The following CPVL variants were observed in gnomAD, a reference collection of about 807,000 sequenced individuals.
The protein encoded by CPVL is carboxypeptidase vitellogenic like.
A neutral mutation model predicts 63.7 loss-of-function variants in CPVL; 51 were observed. That is an observed-to-expected ratio of 0.80 (90% CI 0.64 to 1.01). The LOEUF (loss-of-function observed/expected upper bound fraction) is 1.01. Among genes scored for constraint, CPVL ranks in the 50% least tolerant of loss-of-function variants. The pLI is 0.00. For synonymous variants in CPVL, 195 were observed against 206.0 expected (o/e 0.95, Z 0.46); for missense variants, 530 against 573.1 (o/e 0.92, Z 0.77).
intron 11 of CPVL, among the ~76,000 whole-genome samples, chr7:29,043,136 C>T (rs1789282326): frequency 6.6e-6 from 1 of 152,166 alleles, no homozygotes; most frequent in Admixed American, 6.5e-5. Context: ...AATCCCCACA[C>T]CCCCTCCCTG....
chr7:29,120,865 G>A (rs369110038), intron 2 of CPVL, 28 bp downstream of exon 2: 11 of 1,565,350 alleles, frequency 7.0e-6, no homozygotes, highest in African/African-American at 1.4e-5. Flanking sequence ...CATGCCAGTG[G>A]TTTTCTGATT....
intron 2 of CPVL, among the ~76,000 whole-genome samples, chr7:29,114,644 T>C (rs1788591380): frequency 6.6e-6 from 1 of 151,672 alleles, no homozygotes; most frequent in South Asian, 2.1e-4. Flanking sequence ...AAAAAACATA[T>C]ATATAGGCAT....
At chr7:29,050,753 C>G (rs1017614453) in intron 11 of CPVL, among the ~76,000 whole-genome samples, 3 of 150,318 alleles carry the variant, frequency 2.0e-5, no homozygotes, top group Non-Finnish European at 4.4e-5. Context: ...TTCTAAAATT[C>G]ATATGGAACA....
intron 2 of CPVL, among the ~76,000 whole-genome samples, chr7:29,119,556 T>A (rs990856240): frequency 2.0e-5 from 3 of 150,416 alleles, no homozygotes; most frequent in African/African-American, 7.3e-5. Context: ...CACTAAGTGA[T>A]ACCTTTTTTC....
downstream of CPVL, among the ~76,000 whole-genome samples, chr7:28,994,704 T>C (rs1194411043): frequency 6.6e-6 from 1 of 152,186 alleles, no homozygotes; most frequent in Non-Finnish European, 1.5e-5. Flanking sequence ...AAAAGGAAGA[T>C]CACAAACCTG....
chr7:29,071,721 T>TCCCCC, intron 9 of CPVL, 52 bp downstream of exon 9: 3 of 399,416 alleles, frequency 7.5e-6, no homozygotes, highest in South Asian at 2.6e-5. Context: ...CCGCCCTCCC[T>TCCCCC]CCCCAGATGG....
intron 1 of CPVL, among the ~76,000 whole-genome samples, chr7:29,135,765 T>C (rs1584366821): frequency 6.6e-6 from 1 of 152,206 alleles, no homozygotes; most frequent in Admixed American, 6.5e-5. Flanking sequence ...ATGCTGCAAT[T>C]ACAGCTCACT....
chr7:29,032,564 T>C (rs1310890550), intron 11 of CPVL, among the ~76,000 whole-genome samples: 1 of 152,244 alleles, frequency 6.6e-6, no homozygotes, highest in African/African-American at 2.4e-5. Flanking sequence ...CAATTATATA[T>C]GATTAGTACC....
intron 6 of CPVL, among the ~76,000 whole-genome samples, chr7:29,090,300 A>C (rs1785637600): frequency 6.6e-6 from 1 of 152,222 alleles, no homozygotes; most frequent in African/African-American, 2.4e-5. Flanking sequence ...GAACCCGTGA[A>C]GGGAGCCTCT....
intron 3 of CPVL, among the ~76,000 whole-genome samples, chr7:29,103,184 G>T (rs6979458): frequency 3.0e-4 from 15 of 49,358 alleles, no homozygotes; most frequent in African/African-American, 1.3e-3. Context: ...ATATACTGGG[G>T]GGGGGGGGGG....
chr7:29,046,553 G>A (rs1789631660), intron 11 of CPVL, among the ~76,000 whole-genome samples: 1 of 116,190 alleles, frequency 8.6e-6, no homozygotes, highest in South Asian at 2.8e-4. Flanking sequence ...ACACACACAT[G>A]CACGTGCGCG....
chr7:29,099,967 C>T (rs1276842446), intron 3 of CPVL, among the ~76,000 whole-genome samples: 1 of 152,180 alleles, frequency 6.6e-6, no homozygotes, highest in Non-Finnish European at 1.5e-5. Context: ...CTCCAATGTG[C>T]TGAATAAAAA....
chr7:29,171,134 G>A (rs899342511), intron 5 of CPVL, among the ~76,000 whole-genome samples: 4 of 152,060 alleles, frequency 2.6e-5, no homozygotes, highest in African/African-American at 9.7e-5. Flanking sequence ...ATGAACTGCC[G>A]GTTTCCCCCC....
intron 8 of CPVL, 39 bp downstream of exon 8, chr7:29,072,262 C>T (rs1291817065): frequency 4.3e-6 from 7 of 1,611,126 alleles, no homozygotes; most frequent in Middle Eastern, 3.4e-4. Context: ...ATTTAATCCC[C>T]CTAAGAGACA....
intron 1 of CPVL, among the ~76,000 whole-genome samples, chr7:29,142,997 TC>T (rs1792063078): frequency 6.6e-6 from 1 of 152,094 alleles, no homozygotes; most frequent in Admixed American, 6.5e-5. Context: ...TCCTAACACA[TC>T]TCTCAGACTT....
chr7:29,002,665 C>T (rs1784755116), intron 12 of CPVL, among the ~76,000 whole-genome samples: 1 of 151,692 alleles, frequency 6.6e-6, no homozygotes, highest in African/African-American at 2.4e-5. Context: ...AAATAATTCA[C>T]AAGATAATTA....
At chr7:29,161,805 A>G (rs1795211346) in intron 5 of CPVL, among the ~76,000 whole-genome samples, 1 of 152,272 alleles carries the variant, frequency 6.6e-6, no homozygotes, top group Admixed American at 6.5e-5. Context: ...TATAGAATAT[A>G]TAAAGAGTTC....
intron 3 of CPVL, among the ~76,000 whole-genome samples, chr7:29,100,450 T>C (rs1285211838): frequency 6.6e-6 from 1 of 152,140 alleles, no homozygotes; most frequent in Non-Finnish European, 1.5e-5. Flanking sequence ...TGAAGGTGGA[T>C]GGAGAGTTTG....
At chr7:29,182,566 A>G (rs192646278) in intron 4 of CPVL, among the ~76,000 whole-genome samples, 116 of 152,374 alleles carry the variant, frequency 7.6e-4, no homozygotes, top group Middle Eastern at 3.4e-3. Context: ...TTTTTATCCA[A>G]TATCACACAT....
Sources: allele counts gnomAD v4.1 joint callset (sites outside exome capture counted in the v4.1 genomes callset), GRCh38; gene constraint gnomAD v4.1.1; transcripts MANE v1.5; gene names NCBI Gene and HGNC (gene_info 2026-07-23, HGNC 2026-07-21).